Variants in COL10A1 observed in about 807,000 individuals in gnomAD.
The protein encoded by COL10A1 is collagen alpha-1(X) chain.
A neutral mutation model predicts 18.2 loss-of-function variants in COL10A1; 10 were observed. The ratio of observed to expected loss-of-function variants is 0.55; its 90% CI spans 0.34 to 0.93. The LOEUF (loss-of-function observed/expected upper bound fraction) is 0.93. Among genes scored for constraint, COL10A1 ranks in the 40% least tolerant of loss-of-function variants. COL10A1 has a pLI of 0.02. For synonymous variants in COL10A1, 330 were observed against 316.6 expected (o/e 1.04, Z -0.45); for missense variants, 897 against 853.5 (o/e 1.05, Z -0.64).
At chr6:116,122,413 C>T (rs1015188962) in intron 2 of COL10A1, among the ~76,000 whole-genome samples, 1 of 152,200 alleles carries the variant, frequency 6.6e-6, no homozygotes, top group African/African-American at 2.4e-5. Flanking sequence ...TGATTTACAT[C>T]TGCCATGCCT....
At chr6:116,156,860 C>T (rs1780207351) in intron 1 of COL10A1, among the ~76,000 whole-genome samples, 1 of 152,192 alleles carries the variant, frequency 6.6e-6, no homozygotes, top group Non-Finnish European at 1.5e-5. Flanking sequence ...GGCCCCATTA[C>T]ATCACAACTC....
the COL10A1 span, among the ~76,000 whole-genome samples, chr6:116,171,248 A>G: frequency 6.6e-6 from 1 of 152,150 alleles, no homozygotes; most frequent in South Asian, 2.1e-4. Flanking sequence ...TTATTTTTTA[A>G]TTGCCAAGAT....
intron 2 of COL10A1, among the ~76,000 whole-genome samples, chr6:116,124,842 G>A (rs191034723): frequency 6.6e-6 from 1 of 152,186 alleles, no homozygotes; most frequent in Admixed American, 6.5e-5. Context: ...AATTACATTT[G>A]TTCATTGTTG....
At position 116,120,017 on chromosome 6, in the gene COL10A1, G is replaced by T. The variant is rs1779059917; in HGVS notation, c.*56C>A. ...CCTCCATATGCATTTTGTAGGGTGG[G>T]GTAGAGTTAGAGAATGCTTTTTCTA... is the stretch of plus-strand genomic sequence containing the variant. On this transcript the variant is annotated 3_prime_UTR_variant, in exon 3 of 3. Coordinates refer to ENST00000651968, the MANE Select transcript of COL10A1 (RefSeq NM_000493.4). 24 of 1,415,144 alleles carry T rather than the reference G, an allele frequency of 1.7e-5. 1 individual carries two copies. The South Asian group carries it at 2.7e-4, about 16-fold the overall frequency. The allele number at this position is 1,415,144 out of a possible 1,614,324, so 87.7% of individuals were successfully genotyped here.
the COL10A1 span, among the ~76,000 whole-genome samples, chr6:116,178,106 C>CGT: frequency 0.038 from 4,968 of 130,728 alleles, 326 homozygotes; most frequent in African/African-American, 0.14. Context: ...CGCGCGCGTG[C>CGT]GTGCGTGTGT....
chr6:116,185,173 G>C, the COL10A1 span, among the ~76,000 whole-genome samples: 2 of 152,046 alleles, frequency 1.3e-5, no homozygotes, highest in Non-Finnish European at 2.9e-5. Context: ...GCATGATTTT[G>C]AGGGTTCCTT....
At chr6:116,168,577 A>G in the COL10A1 span, among the ~76,000 whole-genome samples, 1 of 152,098 alleles carries the variant, frequency 6.6e-6, no homozygotes, top group Non-Finnish European at 1.5e-5. Context: ...TCTTCATGCC[A>G]TAGGAGCTGC....
At chr6:116,207,194 A>G in the COL10A1 span, among the ~76,000 whole-genome samples, 2 of 151,894 alleles carry the variant, frequency 1.3e-5, no homozygotes, top group Admixed American at 1.3e-4. Context: ...GATTTCTTCC[A>G]CTTTATTCTG....
intron 1 of COL10A1, among the ~76,000 whole-genome samples, chr6:116,135,872 T>TATATAC (rs368675402): frequency 5.9e-4 from 71 of 121,282 alleles, no homozygotes; most frequent in East Asian, 1.3e-3. Flanking sequence ...TATATATATA[T>TATATAC]ACACACATAC....
At chr6:116,139,377 T>C (rs1378801801) in intron 1 of COL10A1, among the ~76,000 whole-genome samples, 2 of 152,154 alleles carry the variant, frequency 1.3e-5, no homozygotes. Context: ...AATAATACAG[T>C]CTAAAGCTGA....
At chr6:116,126,988 A>C (rs375104506), upstream of COL10A1, among the ~76,000 whole-genome samples, 2 of 152,160 alleles carry the variant, frequency 1.3e-5, no homozygotes, top group Non-Finnish European at 2.9e-5. Flanking sequence ...GAAGCCTTTA[A>C]AATCAGTTTT....
At chr6:116,158,440 A>C (rs1021603944) in intron 1 of COL10A1, among the ~76,000 whole-genome samples, 1 of 152,246 alleles carries the variant, frequency 6.6e-6, no homozygotes, top group Non-Finnish European at 1.5e-5. Flanking sequence ...AGACAAGAAG[A>C]TAAAAACTTA....
At chr6:116,209,808 A>G in the COL10A1 span, among the ~76,000 whole-genome samples, 1 of 152,022 alleles carries the variant, frequency 6.6e-6, no homozygotes. Flanking sequence ...ATTGAATTTT[A>G]TAATTATTAT....
chr6:116,197,140 C>A, the COL10A1 span, among the ~76,000 whole-genome samples: 1 of 151,770 alleles, frequency 6.6e-6, no homozygotes, highest in African/African-American at 2.4e-5. Flanking sequence ...GGCCAGCTGC[C>A]CTCCTCACCT....
chr6:116,167,882 T>G, the COL10A1 span, among the ~76,000 whole-genome samples: 1 of 152,182 alleles, frequency 6.6e-6, no homozygotes, highest in African/African-American at 2.4e-5. Context: ...ATTTTTTTAT[T>G]TCACTTTCAT....
the COL10A1 span, among the ~76,000 whole-genome samples, chr6:116,205,568 A>G: frequency 5.9e-5 from 9 of 151,802 alleles, no homozygotes; most frequent in African/African-American, 2.2e-4. Flanking sequence ...TAGTCTTCCC[A>G]AAGGAAATTC....
At chr6:116,151,126 A>G (rs977962006) in intron 1 of COL10A1, among the ~76,000 whole-genome samples, 1 of 152,178 alleles carries the variant, frequency 6.6e-6, no homozygotes, top group East Asian at 1.9e-4. Flanking sequence ...TGCAATTTGT[A>G]TCATCTGCTC....
At chr6:116,197,101 ACC>A in the COL10A1 span, among the ~76,000 whole-genome samples, 3 of 151,042 alleles carry the variant, frequency 2.0e-5, no homozygotes, top group Admixed American at 1.3e-4. Flanking sequence ...TCTCCTGTCC[ACC>A]CCCACCTCCT....
the COL10A1 span, among the ~76,000 whole-genome samples, chr6:116,165,890 C>T: frequency 6.6e-6 from 1 of 152,214 alleles, no homozygotes; most frequent in Non-Finnish European, 1.5e-5. Flanking sequence ...ATTCCCCATG[C>T]AGGGTAGTAG....
Sources: allele counts gnomAD v4.1 joint callset (sites outside exome capture counted in the v4.1 genomes callset), GRCh38; gene constraint gnomAD v4.1.1; transcripts MANE v1.5; gene names NCBI Gene and HGNC (gene_info 2026-07-23, HGNC 2026-07-21).